GALNT10: variants seen among roughly 807,000 people sequenced by gnomAD.
GALNT10 encodes polypeptide N-acetylgalactosaminyltransferase 10, also known as GalNAc transferase 10.
A neutral mutation model predicts 75.0 loss-of-function variants in GALNT10; 41 were observed. The observed-to-expected ratio is 0.55, with a 90% CI of 0.43 to 0.71. The LOEUF (loss-of-function observed/expected upper bound fraction) is 0.71. Among genes scored for constraint, GALNT10 ranks in the 30% least tolerant of loss-of-function variants. The pLI, the probability that GALNT10 is intolerant of heterozygous loss-of-function variation, is 0.00. For synonymous variants in GALNT10, 302 were observed against 313.0 expected (o/e 0.96, Z 0.37); for missense variants, 727 against 818.5 (o/e 0.89, Z 1.36).
chr5:154,199,748 T>A (rs1387388447), intron 1 of GALNT10, among the ~76,000 whole-genome samples: 1 of 152,054 alleles, frequency 6.6e-6, no homozygotes, highest in Non-Finnish European at 1.5e-5. Context: ...CCTGTAAACC[T>A]CTCCCTTGTA....
At chr5:154,345,543 G>T (rs1176103813) in intron 4 of GALNT10, among the ~76,000 whole-genome samples, 2 of 151,006 alleles carry the variant, frequency 1.3e-5, no homozygotes, top group South Asian at 2.1e-4. Context: ...AGATCATGCG[G>T]TATTTATCTT....
At chr5:154,276,670 GT>G (rs1753957944) in intron 1 of GALNT10, among the ~76,000 whole-genome samples, 1 of 152,146 alleles carries the variant, frequency 6.6e-6, no homozygotes. Context: ...ATTACAGATA[GT>G]TTAAAAACAC....
intron 1 of GALNT10, among the ~76,000 whole-genome samples, chr5:154,232,983 T>A (rs1753172821): frequency 6.6e-6 from 1 of 152,188 alleles, no homozygotes; most frequent in African/African-American, 2.4e-5. Flanking sequence ...TAGCCCCAGG[T>A]TCACATCAGC....
At chr5:154,295,452 A>G (rs1581960610) in intron 2 of GALNT10, among the ~76,000 whole-genome samples, 1 of 151,990 alleles carries the variant, frequency 6.6e-6, no homozygotes, top group Non-Finnish European at 1.5e-5. Context: ...AAGAGAGGCA[A>G]ACTTGGAATT....
In GALNT10 at chr5:154,417,060, T is replaced by C; in HGVS notation, c.*88T>C. ...AGGGAGGCAGGGCCCCTGTGGGCAC[T>C]AGGTGTAAAAGGTGCTGGCCAAATG... is the stretch of plus-strand genomic sequence containing the variant. On this transcript the variant is annotated 3_prime_UTR_variant, in exon 12 of 12. Coordinates refer to ENST00000297107, the MANE Select transcript of GALNT10 (RefSeq NM_198321.4). 3 of 1,257,108 alleles carry C rather than the reference T, an allele frequency of 2.4e-6. No individual in the cohort carries two copies. The highest frequency in any genetic ancestry group is 2.3e-5 in the East Asian group (1 of 43,202). 77.9% of individuals were successfully genotyped at this position (1,257,108 alleles called of 1,614,324 possible).
chr5:154,226,777 A>T (rs942802319), intron 1 of GALNT10, among the ~76,000 whole-genome samples: 8 of 152,162 alleles, frequency 5.3e-5, no homozygotes, highest in African/African-American at 1.9e-4. Flanking sequence ...CAAGAAAATG[A>T]CTATATCCAT....
At chr5:154,356,094 C>A (rs1178144967) in intron 4 of GALNT10, 2 of 455,422 alleles carry the variant, frequency 4.4e-6, no homozygotes, top group East Asian at 1.4e-4. Flanking sequence ...GAATTCATTT[C>A]ATCTTCAGTG....
intron 2 of GALNT10, among the ~76,000 whole-genome samples, chr5:154,296,537 G>A (rs572965268): frequency 1.4e-4 from 21 of 152,298 alleles, no homozygotes; most frequent in South Asian, 8.3e-4. Flanking sequence ...TGCATCTGTC[G>A]AACGCTAACT....
intron 1 of GALNT10, among the ~76,000 whole-genome samples, chr5:154,266,144 A>G (rs564588682): frequency 6.6e-6 from 1 of 152,198 alleles, no homozygotes; most frequent in African/African-American, 2.4e-5. Context: ...GCAAGTAAAT[A>G]TCGAGCATTA....
intron 1 of GALNT10, among the ~76,000 whole-genome samples, chr5:154,231,235 G>A (rs940892872): frequency 6.6e-6 from 1 of 152,234 alleles, no homozygotes; most frequent in African/African-American, 2.4e-5. Context: ...ATCTTTCCAA[G>A]TTGGTATAAT....
At chr5:154,362,240 C>T (rs553302391) in intron 4 of GALNT10, among the ~76,000 whole-genome samples, 2 of 152,182 alleles carry the variant, frequency 1.3e-5, no homozygotes, top group Admixed American at 6.5e-5. Context: ...GCTAACAAAT[C>T]GAATACCTGG....
chr5:154,241,286 G>C (rs1391144726), intron 1 of GALNT10, among the ~76,000 whole-genome samples: 1 of 152,152 alleles, frequency 6.6e-6, no homozygotes, highest in Non-Finnish European at 1.5e-5. Flanking sequence ...AGAGCTGTGG[G>C]ATTAGCCAGT....
At chr5:154,276,406 C>T (rs1242100095) in intron 1 of GALNT10, among the ~76,000 whole-genome samples, 1 of 152,220 alleles carries the variant, frequency 6.6e-6, no homozygotes, top group Non-Finnish European at 1.5e-5. Context: ...ACTTTGACTT[C>T]CTTCAGTACC....
At chr5:154,273,414 G>T (rs905845632) in intron 1 of GALNT10, among the ~76,000 whole-genome samples, 1 of 152,316 alleles carries the variant, frequency 6.6e-6, no homozygotes. Context: ...GATGCATAAT[G>T]TATGGTTTCT....
chr5:154,324,122 C>T (rs73281561), intron 3 of GALNT10, among the ~76,000 whole-genome samples: 1,648 of 152,298 alleles, frequency 0.011, 26 homozygotes, highest in African/African-American at 0.038. Context: ...ATTTCTACAC[C>T]GTCTCTGTGC....
intron 1 of GALNT10, among the ~76,000 whole-genome samples, chr5:154,207,190 G>T (rs368516026): frequency 6.6e-6 from 1 of 152,210 alleles, no homozygotes; most frequent in Non-Finnish European, 1.5e-5. Context: ...TGGGACATGC[G>T]CAATATGCGT....
At chr5:154,285,330 G>A (rs540208851) in intron 1 of GALNT10, among the ~76,000 whole-genome samples, 56 of 152,248 alleles carry the variant, frequency 3.7e-4, no homozygotes, top group African/African-American at 1.3e-3. Context: ...CTGAATTCTT[G>A]AAGGTGAAAT....
chr5:154,231,843 G>A (rs1030143040), intron 1 of GALNT10, among the ~76,000 whole-genome samples: 11 of 152,138 alleles, frequency 7.2e-5, no homozygotes, highest in Non-Finnish European at 1.5e-4. Flanking sequence ...TGATACTTAC[G>A]TACTTGTCTT....
chr5:154,389,232 T>C (rs1023796151), intron 7 of GALNT10: 17 of 151,544 alleles, frequency 1.1e-4, no homozygotes, highest in African/African-American at 4.1e-4. Flanking sequence ...GTATTAAATC[T>C]TTTCTAAAAT....
Sources: gnomAD v4.1 joint callset for allele counts (sites outside exome capture counted in the v4.1 genomes callset) on GRCh38, gnomAD v4.1.1 for gene constraint, MANE v1.5 for transcripts, NCBI Gene and HGNC (gene_info 2026-07-23, HGNC 2026-07-21) for gene names.